NCOA2: variants seen among roughly 807,000 people sequenced by gnomAD.
The protein encoded by NCOA2 is nuclear receptor coactivator 2.
In NCOA2, 21 loss-of-function variants were observed where a neutral mutation model predicts 145.1. That is an observed-to-expected ratio of 0.14 (90% confidence interval 0.10 to 0.21). The LOEUF (loss-of-function observed/expected upper bound fraction) is 0.21. Among genes scored for constraint, NCOA2 ranks in the 10% least tolerant of loss-of-function variants. The pLI, the probability that NCOA2 is intolerant of heterozygous loss-of-function variation, is 1.00. For missense variants in NCOA2, 1,472 were observed against 1,837.6 expected (o/e 0.80, Z 3.64); for synonymous variants, 619 against 637.5 (o/e 0.97, Z 0.44).
At chr8:70,133,464 A>G (rs936145301) in intron 15 of NCOA2, among the ~76,000 whole-genome samples, 11 of 152,032 alleles carry the variant, frequency 7.2e-5, no homozygotes, top group African/African-American at 2.4e-4. Flanking sequence ...GACTCAAGCA[A>G]TCCTCCCACC....
chr8:70,261,336 T>C (rs1316212000), intron 2 of NCOA2, among the ~76,000 whole-genome samples: 1 of 151,798 alleles, frequency 6.6e-6, no homozygotes, highest in African/African-American at 2.4e-5. Flanking sequence ...TCATTCTCAG[T>C]AAACTATCGC....
chr8:70,270,157 G>A (rs1824932378), intron 2 of NCOA2, among the ~76,000 whole-genome samples: 1 of 151,718 alleles, frequency 6.6e-6, no homozygotes, highest in Admixed American at 6.6e-5. Flanking sequence ...ACTCCAGCCT[G>A]GGTGACACAG....
chr8:70,153,082 C>G (rs557470869), intron 11 of NCOA2, among the ~76,000 whole-genome samples: 3 of 152,296 alleles, frequency 2.0e-5, no homozygotes, highest in African/African-American at 7.2e-5. Context: ...ATAGGTAATG[C>G]ACACTTCCTG....
intron 1 of NCOA2, among the ~76,000 whole-genome samples, chr8:70,309,065 C>T (rs1018064796): frequency 1.3e-5 from 2 of 152,144 alleles, no homozygotes; most frequent in African/African-American, 2.4e-5. Flanking sequence ...TGAGCTGCTA[C>T]GTATGTATGA....
At chr8:70,333,950 C>T (rs1300322528) in intron 1 of NCOA2, among the ~76,000 whole-genome samples, 1 of 152,110 alleles carries the variant, frequency 6.6e-6, no homozygotes, top group African/African-American at 2.4e-5. Context: ...TTAATCCTCT[C>T]TTCTTTTGGT....
chr8:70,248,756 G>A (rs11988649), intron 2 of NCOA2, among the ~76,000 whole-genome samples: 1,416 of 68,192 alleles, frequency 0.021, 23 homozygotes, highest in African/African-American at 0.051. Flanking sequence ...AATGACAGGG[G>A]AAAAAAGTCT....
At position 70,269,134 on chromosome 8, in the gene NCOA2, T is replaced by C. The variant is rs144119765; in HGVS notation, c.-20+27610A>G. Among the ~76,000 whole-genome samples the C allele has an allele frequency of 3.5e-4, 54 of 152,344 alleles. No individual in the cohort carries two copies. In the East Asian group the frequency reaches 0.01, roughly 28 times the overall value. ...AAATGTAATTTTTTAAAATCAGTTA[T>C]ATAAAATTAAATCCTACCATTTCTA... is the stretch of plus-strand genomic sequence containing the variant. On this transcript the variant is annotated intron_variant, in intron 2 of 22. Transcript: ENST00000452400.
chr8:70,314,382 C>T (rs1313821097), intron 1 of NCOA2, among the ~76,000 whole-genome samples: 2 of 151,982 alleles, frequency 1.3e-5, no homozygotes, highest in Admixed American at 6.6e-5. Flanking sequence ...TGAGTTTAGA[C>T]TCCAAATGCT....
At chr8:70,333,470 T>C (rs1381694011) in intron 1 of NCOA2, among the ~76,000 whole-genome samples, 3 of 152,222 alleles carry the variant, frequency 2.0e-5, no homozygotes, top group African/African-American at 4.8e-5. Context: ...AGAGCAATCA[T>C]TGCCTTGCTC....
intron 1 of NCOA2, among the ~76,000 whole-genome samples, chr8:70,392,792 G>A (rs1813323115): frequency 6.6e-6 from 1 of 152,152 alleles, no homozygotes; most frequent in Non-Finnish European, 1.5e-5. Flanking sequence ...AAAATATTCT[G>A]CAGGGGAAAA....
At chr8:70,294,127 A>G (rs1179603290) in intron 2 of NCOA2, among the ~76,000 whole-genome samples, 1 of 152,150 alleles carries the variant, frequency 6.6e-6, no homozygotes, top group African/African-American at 2.4e-5. Context: ...TAAACTAAGT[A>G]AGAGAAGCTA....
chr8:70,429,914 C>T, the NCOA2 span, among the ~76,000 whole-genome samples: 2 of 152,088 alleles, frequency 1.3e-5, no homozygotes, highest in Admixed American at 6.6e-5. Flanking sequence ...CTCCGTCAGC[C>T]CAGGCTGGAG....
intron 1 of NCOA2, among the ~76,000 whole-genome samples, chr8:70,303,150 G>T (rs1334526113): frequency 1.3e-5 from 2 of 152,200 alleles, no homozygotes; most frequent in African/African-American, 4.8e-5. Context: ...AAGGATGAAA[G>T]ATACTAAATT....
the NCOA2 span, among the ~76,000 whole-genome samples, chr8:70,416,198 T>TG: frequency 5.3e-5 from 8 of 150,904 alleles, no homozygotes; most frequent in Non-Finnish European, 1.2e-4. Context: ...TTTTTTTGTT[T>TG]TTTTTTTTTT....
At chr8:70,340,605 A>G (rs1309451590) in intron 1 of NCOA2, among the ~76,000 whole-genome samples, 1 of 152,226 alleles carries the variant, frequency 6.6e-6, no homozygotes, top group Non-Finnish European at 1.5e-5. Context: ...TATACACCCA[A>G]AGGAATATAA....
intron 2 of NCOA2, among the ~76,000 whole-genome samples, chr8:70,243,736 C>T (rs1252675039): frequency 7.1e-6 from 1 of 140,276 alleles, no homozygotes; most frequent in African/African-American, 2.7e-5. Flanking sequence ...CCCTGTCTCA[C>T]AGACTACTTA....
intron 15 of NCOA2, among the ~76,000 whole-genome samples, chr8:70,137,070 G>A (rs528533196): frequency 3.3e-5 from 5 of 152,084 alleles, no homozygotes; most frequent in South Asian, 2.1e-4. Context: ...CTGGAGTTTC[G>A]CTCTTGTTGC....
chr8:70,436,506 C>T, the NCOA2 span, among the ~76,000 whole-genome samples: 4 of 152,206 alleles, frequency 2.6e-5, no homozygotes, highest in African/African-American at 9.6e-5. Flanking sequence ...GTTCCCATAT[C>T]AGTAAGCCAT....
At chr8:70,139,161 T>A (rs1810087887) in intron 14 of NCOA2, among the ~76,000 whole-genome samples, 1 of 152,250 alleles carries the variant, frequency 6.6e-6, no homozygotes. Flanking sequence ...ATGGATGAGA[T>A]GAGCTTTTAA....
Sources: gnomAD v4.1 joint callset for allele counts (sites outside exome capture counted in the v4.1 genomes callset) on GRCh38, gnomAD v4.1.1 for gene constraint, MANE v1.5 for transcripts, NCBI Gene and HGNC (gene_info 2026-07-23, HGNC 2026-07-21) for gene names.